Variants in XKR9 observed in about 807,000 individuals in gnomAD.
XKR9 encodes the protein XK related 9.
In XKR9, 32 loss-of-function variants were observed where a neutral mutation model predicts 32.0. That is an observed-to-expected ratio of 1.00 (90% CI 0.76 to 1.34). XKR9 has a LOEUF of 1.34. Ranked by LOEUF, XKR9 falls within the 40% of genes most tolerant of loss-of-function variation. The pLI is 0.00. For missense variants in XKR9, 546 were observed against 429.7 expected (o/e 1.27, Z -2.39); for synonymous variants, 168 against 143.4 (o/e 1.17, Z -1.22).
At chr8:70,758,159 G>T (rs986245034) in intron 2 of XKR9, among the ~76,000 whole-genome samples, 3 of 152,134 alleles carry the variant, frequency 2.0e-5, no homozygotes, top group Non-Finnish European at 4.4e-5. Context: ...TCTCTCCCTT[G>T]TTCTCTCTGC....
the XKR9 span, among the ~76,000 whole-genome samples, chr8:70,980,889 A>G: frequency 2.0e-5 from 3 of 152,160 alleles, no homozygotes. Flanking sequence ...TTTTTCCTTC[A>G]TTTATGAAGC....
chr8:70,719,811 T>A (rs923471353), intron 4 of XKR9, among the ~76,000 whole-genome samples: 1 of 152,180 alleles, frequency 6.6e-6, no homozygotes, highest in Non-Finnish European at 1.5e-5. Flanking sequence ...TCAAGTAGTT[T>A]TTTGTAATTC....
chr8:70,973,849 T>A, the XKR9 span, among the ~76,000 whole-genome samples: 25 of 152,360 alleles, frequency 1.6e-4, 1 homozygote, highest in South Asian at 3.9e-3. Flanking sequence ...TTTGATTTTT[T>A]AAAATTTTTT....
At chr8:70,729,234 C>T (rs892110766) in intron 4 of XKR9, among the ~76,000 whole-genome samples, 15 of 152,260 alleles carry the variant, frequency 9.9e-5, no homozygotes, top group African/African-American at 3.1e-4. Context: ...AGAATACTCA[C>T]AAGTAGTTTC....
the XKR9 span, among the ~76,000 whole-genome samples, chr8:70,880,293 GAAAT>G: frequency 1.1e-4 from 16 of 152,108 alleles, no homozygotes; most frequent in Non-Finnish European, 2.1e-4. Context: ...GCAAGAAAAA[GAAAT>G]AAAGGGTATT....
At chr8:70,670,694 C>T (rs1448525572) in intron 1 of XKR9, 2 of 152,126 alleles carry the variant, frequency 1.3e-5, no homozygotes, top group Non-Finnish European at 2.9e-5. Context: ...TTGTTTCACA[C>T]AGTTGTACTT....
At chr8:71,029,709 T>C in the XKR9 span, among the ~76,000 whole-genome samples, 1 of 152,106 alleles carries the variant, frequency 6.6e-6, no homozygotes. Flanking sequence ...CTTGGTGCAC[T>C]GACAAAGTAC....
chr8:70,886,180 C>A, the XKR9 span, among the ~76,000 whole-genome samples: 1 of 152,072 alleles, frequency 6.6e-6, no homozygotes, highest in South Asian at 2.1e-4. Flanking sequence ...TGAGAATGAT[C>A]GTTTCCAGCT....
the XKR9 span, among the ~76,000 whole-genome samples, chr8:70,841,709 C>T: frequency 6.6e-6 from 1 of 152,092 alleles, no homozygotes. Flanking sequence ...TCAAATGTTT[C>T]CCCATGATCA....
At chr8:70,774,336 T>C (rs1480025859) in intron 2 of XKR9, among the ~76,000 whole-genome samples, 2 of 152,204 alleles carry the variant, frequency 1.3e-5, no homozygotes, top group East Asian at 3.9e-4. Context: ...GGTCTTGTTA[T>C]GTTGCTTAGG....
intron 2 of XKR9, among the ~76,000 whole-genome samples, chr8:70,749,039 A>G (rs1807097915): frequency 6.6e-6 from 1 of 152,136 alleles, no homozygotes; most frequent in African/African-American, 2.4e-5. Flanking sequence ...GCTACCCACC[A>G]TGGGTCTCCT....
chr8:70,732,326 G>A (rs1806697557), intron 4 of XKR9, among the ~76,000 whole-genome samples: 1 of 152,166 alleles, frequency 6.6e-6, no homozygotes, highest in Admixed American at 6.5e-5. Flanking sequence ...CCCTGTGAGG[G>A]GGCTACAGTT....
At chr8:70,835,019 C>T in the XKR9 span, among the ~76,000 whole-genome samples, 2 of 152,066 alleles carry the variant, frequency 1.3e-5, no homozygotes, top group Admixed American at 6.6e-5. Flanking sequence ...ACTTTTTATC[C>T]TAGAGTTAAT....
the XKR9 span, among the ~76,000 whole-genome samples, chr8:70,918,867 T>C: frequency 8.0e-6 from 1 of 124,608 alleles, no homozygotes; most frequent in Non-Finnish European, 1.6e-5. Flanking sequence ...AAGCTCCACC[T>C]CCCAGGTTCA....
At chr8:70,783,687 G>A (rs1807646504) in intron 2 of XKR9, among the ~76,000 whole-genome samples, 1 of 151,882 alleles carries the variant, frequency 6.6e-6, no homozygotes, top group South Asian at 2.1e-4. Flanking sequence ...TGTTTTCTTT[G>A]CTGTGCAGAA....
the XKR9 span, among the ~76,000 whole-genome samples, chr8:71,053,434 A>G: frequency 6.6e-6 from 1 of 152,240 alleles, no homozygotes; most frequent in African/African-American, 2.4e-5. Context: ...ATAAAAAAGA[A>G]TTGTGGTTTC....
chr8:70,831,350 G>C, the XKR9 span, among the ~76,000 whole-genome samples: 17 of 149,790 alleles, frequency 1.1e-4, no homozygotes, highest in Non-Finnish European at 2.1e-4. Flanking sequence ...AAATTCTGTT[G>C]TTCCAGACAT....
At chr8:70,802,228 GCC>G in the XKR9 span, among the ~76,000 whole-genome samples, 3 of 152,068 alleles carry the variant, frequency 2.0e-5, no homozygotes, top group African/African-American at 7.2e-5. Context: ...GAGCCACCGC[GCC>G]CGGCCCTTCT....
chr8:70,906,656 A>T, the XKR9 span, among the ~76,000 whole-genome samples: 1 of 152,202 alleles, frequency 6.6e-6, no homozygotes, highest in Non-Finnish European at 1.5e-5. Flanking sequence ...TTCAGCTTGA[A>T]TGATAAATTG....
Sources: allele counts gnomAD v4.1 joint callset (sites outside exome capture counted in the v4.1 genomes callset), GRCh38; gene constraint gnomAD v4.1.1; transcripts MANE v1.5; gene names NCBI Gene and HGNC (gene_info 2026-07-23, HGNC 2026-07-21).